The following GABRA5 variants were observed in gnomAD, a reference collection of about 807,000 sequenced individuals.
The protein encoded by GABRA5 is gamma-aminobutyric acid receptor subunit alpha-5.
In GABRA5, 18 loss-of-function variants were observed where a neutral mutation model predicts 47.3. The ratio of observed to expected loss-of-function variants is 0.38; its 90% CI spans 0.26 to 0.56. The LOEUF (loss-of-function observed/expected upper bound fraction) is 0.56, where lower values mean the gene tolerates loss of function less well. GABRA5 is among the 20% of genes least tolerant of loss of function. The pLI, the probability that GABRA5 is intolerant of heterozygous loss-of-function variation, is 0.71. For synonymous variants in GABRA5, 237 were observed against 229.3 expected, an observed-to-expected ratio of 1.03 and a Z score of -0.30; for missense variants, 365 against 599.3, an observed-to-expected ratio of 0.61 and a Z score of 4.08.
chr15:26,883,295 G>A lies in GABRA5; in HGVS notation c.277-42G>A, dbSNP rs559876380. On this transcript the variant is annotated intron_variant, in intron 5 of 10. Transcript: ENST00000335625. The surrounding 1 kb of genome is among the most constrained non-coding windows in gnomAD (Gnocchi z 4.8). Reference sequence around the variant, plus strand: ...CTCCGCGCCGCAGGCCCCCGCCCAGGCCCCGTGCCCTCTGACTGCCTCGTG... The same window carrying A: ...CTCCGCGCCGCAGGCCCCCGCCCAGACCCCGTGCCCTCTGACTGCCTCGTG... 3.1e-6 allele frequency: 5 copies of A among 1,611,444 alleles called. No individual in the cohort carries two copies. The highest frequency in any genetic ancestry group is 4.2e-6 in the Non-Finnish European group (5 of 1,177,698).
intron 6 of GABRA5, among the ~76,000 whole-genome samples, chr15:26,900,852 T>C (rs1228429536): frequency 6.6e-6 from 1 of 152,136 alleles, no homozygotes; most frequent in Non-Finnish European, 1.5e-5. Context: ...TGTGCTCTGC[T>C]TAATTTTATC....
At chr15:26,893,353 G>A in intron 6 of GABRA5, among the ~76,000 whole-genome samples, 1 of 1,838 alleles carries the variant, frequency 5.4e-4, no homozygotes. Flanking sequence ...TGTCGTGTGT[G>A]TGTATGGTGT....
At chr15:26,886,156 A>T (rs189862191) in intron 6 of GABRA5, among the ~76,000 whole-genome samples, 43 of 152,174 alleles carry the variant, frequency 2.8e-4, no homozygotes, top group Admixed American at 1.0e-3. Context: ...AGTAGCTGGG[A>T]TTACAGGCGT....
chr15:26,893,076 G>A (rs928906560), intron 6 of GABRA5, among the ~76,000 whole-genome samples: 1 of 150,416 alleles, frequency 6.6e-6, no homozygotes, highest in Non-Finnish European at 1.5e-5. Context: ...GCTGTGTGGC[G>A]TGTTTGGGGG....
chr15:26,920,234 C>T (rs1249595758), intron 7 of GABRA5, among the ~76,000 whole-genome samples: 1 of 151,986 alleles, frequency 6.6e-6, no homozygotes, highest in Admixed American at 6.6e-5. Flanking sequence ...CCTTTTGAAA[C>T]TCAGTATACA....
intron 3 of GABRA5, 148 bp downstream of exon 3, chr15:26,869,482 C>A: frequency 3.2e-6 from 2 of 627,636 alleles, no homozygotes; most frequent in South Asian, 3.8e-5. Flanking sequence ...TAAATGAAGT[C>A]ATTGCCCTGA....
At chr15:26,870,885 T>TA (rs1892452448) in intron 3 of GABRA5, among the ~76,000 whole-genome samples, 1 of 152,252 alleles carries the variant, frequency 6.6e-6, no homozygotes, top group Non-Finnish European at 1.5e-5. Context: ...TGGAAACTTA[T>TA]ATTTTCTTTA....
intron 3 of GABRA5, among the ~76,000 whole-genome samples, chr15:26,874,700 AGACCTG>A (rs1347178884): frequency 6.6e-6 from 1 of 152,256 alleles, no homozygotes; most frequent in Non-Finnish European, 1.5e-5. Flanking sequence ...AGTGAGAGTA[AGACCTG>A]CAGTGAAACA....
intron 7 of GABRA5, among the ~76,000 whole-genome samples, chr15:26,932,469 A>G (rs180857449): frequency 4.7e-4 from 72 of 152,330 alleles, no homozygotes; most frequent in Non-Finnish European, 8.8e-4. Context: ...GAAACAACAG[A>G]TGCTGGTGAG....
chr15:26,888,197 G>A (rs960012531), intron 6 of GABRA5, among the ~76,000 whole-genome samples: 1 of 152,220 alleles, frequency 6.6e-6, no homozygotes, highest in African/African-American at 2.4e-5. Flanking sequence ...CCTACCACGA[G>A]TGGGTCATGC....
chr15:26,875,563 G>A (rs990615741), intron 3 of GABRA5, among the ~76,000 whole-genome samples: 3 of 152,194 alleles, frequency 2.0e-5, no homozygotes, highest in Admixed American at 2.0e-4. Context: ...AGGGAGGTGA[G>A]GATGTGAGCA....
At chr15:26,906,751 A>T (rs998085759) in intron 6 of GABRA5, among the ~76,000 whole-genome samples, 12 of 152,240 alleles carry the variant, frequency 7.9e-5, no homozygotes, top group Non-Finnish European at 1.5e-4. Context: ...TCTGTTAAAA[A>T]GATTTATTAT....
intron 6 of GABRA5, among the ~76,000 whole-genome samples, chr15:26,908,822 T>TAA (rs1893509880): frequency 6.6e-6 from 1 of 152,200 alleles, no homozygotes; most frequent in Admixed American, 6.5e-5. Flanking sequence ...AGATGTCTAT[T>TAA]TCATTATCAA....
intron 6 of GABRA5, among the ~76,000 whole-genome samples, chr15:26,896,328 T>A (rs189537736): frequency 1.3e-5 from 2 of 152,320 alleles, no homozygotes; most frequent in East Asian, 3.9e-4. Context: ...AAAATCTCCC[T>A]GACCAACAAT....
intron 6 of GABRA5, 138 bp from the exon 7 acceptor site, chr15:26,914,665 G>A (rs1893679032): frequency 3.1e-6 from 2 of 652,940 alleles, no homozygotes; most frequent in Non-Finnish European, 5.5e-6. Context: ...ACGTAATTTG[G>A]TGGGGATAGT....
At chr15:26,906,457 T>C (rs1893446372) in intron 6 of GABRA5, among the ~76,000 whole-genome samples, 1 of 152,188 alleles carries the variant, frequency 6.6e-6, no homozygotes, top group African/African-American at 2.4e-5. Context: ...ATGAAAACTT[T>C]GGGTCTTTTT....
At chr15:26,929,288 A>G (rs143160675) in intron 7 of GABRA5, among the ~76,000 whole-genome samples, 69 of 152,358 alleles carry the variant, frequency 4.5e-4, no homozygotes, top group South Asian at 2.5e-3. Flanking sequence ...TCCCATTCCA[A>G]AAGGAAGAAG....
intron 10 of GABRA5, among the ~76,000 whole-genome samples, chr15:26,946,323 G>A (rs1039726028): frequency 2.0e-5 from 3 of 152,084 alleles, no homozygotes; most frequent in East Asian, 3.9e-4. Context: ...TGTTTAAAGA[G>A]GTTTACGGTG....
chr15:26,927,253 G>A (rs1174897556), intron 7 of GABRA5, among the ~76,000 whole-genome samples: 4 of 150,328 alleles, frequency 2.7e-5, no homozygotes, highest in Non-Finnish European at 4.4e-5. Context: ...ACAGGTGCCC[G>A]CCACCATGTC....
Sources: allele counts gnomAD v4.1 joint callset (sites outside exome capture counted in the v4.1 genomes callset), GRCh38; gene constraint gnomAD v4.1.1; non-coding constraint Gnocchi (gnomAD v3.1); transcripts MANE v1.5; gene names NCBI Gene and HGNC (gene_info 2026-07-23, HGNC 2026-07-21).